Variants in ULK4 observed in about 807,000 individuals in gnomAD.
ULK4 encodes unc-51 like kinase 4.
Under a neutral mutation model 160.6 loss-of-function variants are expected in ULK4, and 133 were observed. That is an observed-to-expected ratio of 0.83 (90% CI 0.72 to 0.96). ULK4 has a LOEUF of 0.96. Among genes scored for constraint, ULK4 ranks in the 40% least tolerant of loss-of-function variants. ULK4 has a pLI of 0.00. For synonymous variants in ULK4, 534 were observed against 539.8 expected (o/e 0.99, Z 0.15); for missense variants, 1,580 against 1,499.5 (o/e 1.05, Z -0.89).
intron 29 of ULK4, among the ~76,000 whole-genome samples, chr3:41,677,100 G>C (rs894749934): frequency 4.6e-5 from 7 of 151,458 alleles, no homozygotes; most frequent in African/African-American, 1.7e-4. Context: ...CTAGAGATGG[G>C]GTTTTGCCAT....
chr3:41,263,624 AT>A (rs2078982913), intron 35 of ULK4, among the ~76,000 whole-genome samples: 1 of 152,228 alleles, frequency 6.6e-6, no homozygotes, highest in Non-Finnish European at 1.5e-5. Flanking sequence ...AAAAACATGC[AT>A]GGACCATGAC....
chr3:41,277,937 T>C (rs572969678), intron 35 of ULK4: 3 of 152,408 alleles, frequency 2.0e-5, no homozygotes, highest in East Asian at 3.9e-4. Flanking sequence ...GTTCTTCTCA[T>C]GGGATGCACA....
intron 35 of ULK4, among the ~76,000 whole-genome samples, chr3:41,368,747 C>T (rs1358715656): frequency 6.6e-6 from 1 of 152,070 alleles, no homozygotes; most frequent in Non-Finnish European, 1.5e-5. Flanking sequence ...GAATAATATT[C>T]TATTTTATGG....
At chr3:41,934,558 T>C (rs1476004386) in intron 4 of ULK4, among the ~76,000 whole-genome samples, 3 of 152,168 alleles carry the variant, frequency 2.0e-5, no homozygotes, top group East Asian at 3.8e-4. Context: ...CTAAATATAA[T>C]AGGTAATCCT....
intron 31 of ULK4, among the ~76,000 whole-genome samples, chr3:41,588,408 A>G (rs1379474126): frequency 6.6e-6 from 1 of 152,224 alleles, no homozygotes; most frequent in Non-Finnish European, 1.5e-5. Context: ...TTTTCACAGA[A>G]AAATTATGAC....
At chr3:41,529,611 T>C (rs749213576) in intron 32 of ULK4, among the ~76,000 whole-genome samples, 2 of 152,126 alleles carry the variant, frequency 1.3e-5, no homozygotes, top group Non-Finnish European at 2.9e-5. Context: ...CAGTCTCCCA[T>C]GTAGCTGGGA....
intron 34 of ULK4, among the ~76,000 whole-genome samples, chr3:41,428,517 C>G (rs2082828961): frequency 6.6e-6 from 1 of 152,128 alleles, no homozygotes; most frequent in Non-Finnish European, 1.5e-5. Context: ...TGACTTCAAA[C>G]TATACTACAA....
intron 30 of ULK4, among the ~76,000 whole-genome samples, chr3:41,616,306 TCA>T (rs1220755847): frequency 1.3e-5 from 2 of 152,100 alleles, no homozygotes; most frequent in Admixed American, 1.3e-4. Flanking sequence ...CATTCAAAAG[TCA>T]CAGTTTTGAT....
At chr3:41,712,349 T>C (rs2037129444) in intron 25 of ULK4, among the ~76,000 whole-genome samples, 1 of 152,136 alleles carries the variant, frequency 6.6e-6, no homozygotes, top group South Asian at 2.1e-4. Flanking sequence ...CTGGCTGCTA[T>C]CTCCACACCC....
At chr3:41,344,952 C>T (rs1366656928) in intron 35 of ULK4, among the ~76,000 whole-genome samples, 1 of 151,836 alleles carries the variant, frequency 6.6e-6, no homozygotes, top group Admixed American at 6.6e-5. Flanking sequence ...AACAACTGCA[C>T]CAAAAAGTGG....
chr3:41,613,553 ACTGT>A (rs1282608113), intron 31 of ULK4, among the ~76,000 whole-genome samples: 1 of 152,188 alleles, frequency 6.6e-6, no homozygotes, highest in Non-Finnish European at 1.5e-5. Context: ...TCAAGAAAAC[ACTGT>A]ATTATATCTA....
In ULK4 at chr3:41,873,186, T is replaced by C. The variant is rs180940533; in HGVS notation, c.1656+10688A>G. The stretch of plus-strand genomic sequence containing the variant: ...AATAAGCAAACAAACTAACTTGTTA[T>C]CTCTCTATCTCTCTATGTAGGTAAA... On this transcript the variant is annotated intron_variant, in intron 17 of 36. Transcript: ENST00000301831. 8.0e-4 allele frequency among the ~76,000 whole-genome samples: 121 copies of C among 151,532 alleles called. 1 individual carries two copies. Among genetic ancestry groups the C allele is most frequent in the Non-Finnish European group, 1.1e-3 (78 of 67,884 alleles).
At chr3:41,478,665 T>C (rs1277164203) in intron 32 of ULK4, among the ~76,000 whole-genome samples, 1 of 152,200 alleles carries the variant, frequency 6.6e-6, no homozygotes, top group Non-Finnish European at 1.5e-5. Flanking sequence ...AACTCAATTA[T>C]AAAATCCCTG....
intron 25 of ULK4, among the ~76,000 whole-genome samples, chr3:41,712,025 C>T (rs1289163052): frequency 1.3e-5 from 2 of 152,124 alleles, no homozygotes; most frequent in Non-Finnish European, 2.9e-5. Context: ...TGTTTCAAAG[C>T]TTGATAATGG....
intron 25 of ULK4, among the ~76,000 whole-genome samples, chr3:41,709,405 T>A (rs1028875974): frequency 3.3e-5 from 5 of 152,210 alleles, no homozygotes; most frequent in Non-Finnish European, 7.4e-5. Flanking sequence ...TTTTGTTTTT[T>A]GAGACAGAGT....
intron 35 of ULK4, among the ~76,000 whole-genome samples, chr3:41,335,011 G>A (rs2080525171): frequency 6.6e-6 from 1 of 152,118 alleles, no homozygotes; most frequent in Non-Finnish European, 1.5e-5. Flanking sequence ...AGTTGAGGAT[G>A]AAAGAGAGAA....
intron 19 of ULK4, 70 bp from the exon 20 acceptor site, chr3:41,800,363 G>T: frequency 6.8e-7 from 1 of 1,465,696 alleles, no homozygotes; most frequent in Non-Finnish European, 9.3e-7. Context: ...TATGACCATT[G>T]TAAATAATGT....
intron 35 of ULK4, among the ~76,000 whole-genome samples, chr3:41,358,257 A>G (rs1333275336): frequency 6.6e-6 from 1 of 152,200 alleles, no homozygotes; most frequent in Non-Finnish European, 1.5e-5. Flanking sequence ...TAAACAAACC[A>G]TATCCCTAGT....
intron 27 of ULK4, among the ~76,000 whole-genome samples, chr3:41,692,166 T>C (rs904417779): frequency 6.6e-5 from 10 of 151,408 alleles, no homozygotes; most frequent in African/African-American, 2.4e-4. Context: ...TTAGCCAGGA[T>C]CGTCTCGATC....
Sources: gnomAD v4.1 joint callset for allele counts (sites outside exome capture counted in the v4.1 genomes callset) on GRCh38, gnomAD v4.1.1 for gene constraint, MANE v1.5 for transcripts, NCBI Gene and HGNC (gene_info 2026-07-23, HGNC 2026-07-21) for gene names.